Variants in ADAMTS16 observed in about 807,000 individuals in gnomAD.
ADAMTS16 encodes ADAM metallopeptidase with thrombospondin type 1 motif 16.
ADAMTS16 carries 94 observed loss-of-function variants against 145.8 expected under a neutral mutation model. That is an observed-to-expected ratio of 0.64 (90% CI 0.55 to 0.77). The LOEUF (loss-of-function observed/expected upper bound fraction) is 0.77. Ranked by LOEUF, ADAMTS16 falls within the 30% of genes least tolerant of loss-of-function variation. The pLI, the probability that ADAMTS16 is intolerant of heterozygous loss-of-function variation, is 0.00. For missense variants in ADAMTS16, 1,585 were observed against 1,591.5 expected (o/e 1.00, Z 0.07); for synonymous variants, 659 against 604.3 (o/e 1.09, Z -1.33).
At position 5,318,791 on chromosome 5, in the gene ADAMTS16, G is replaced by C. The variant is rs1433708513; in HGVS notation, c.3560-232G>C. ...GGCTCCAATGGGTAGATGCGTGGTT[G>C]AGTGAGTGGGGTCAGCACAAGAAGA... On this transcript the variant is annotated intron_variant, in intron 22 of 22. Transcript: ENST00000274181. Among the ~76,000 whole-genome samples the C allele has an allele frequency of 1.3e-5, 2 of 152,184 alleles. 1 individual carries two copies. Among genetic ancestry groups the C allele is most frequent in the East Asian group, 3.9e-4 (2 of 5,182 alleles).
At position 5,319,258 on chromosome 5, in the gene ADAMTS16, C is replaced by T. The variant is rs1734183584; in HGVS notation, c.*120C>T. 5 of 751,704 alleles carry T rather than the reference C, an allele frequency of 6.7e-6. No individual in the cohort carries two copies. The highest frequency in any genetic ancestry group is 2.7e-5 in the East Asian group (1 of 37,022). The allele number at this position is 751,704 out of a possible 1,614,324, so 46.6% of individuals were successfully genotyped here. ...AAGAGCAAAGCCAAAAGAAGAAAAC[C>T]GTGTTAGGCTCTTTGACCAGGAGTG... On this transcript the variant is annotated 3_prime_UTR_variant, in exon 23 of 23. Transcript: ENST00000274181.
rs1332652325 is a variant in ADAMTS16, at chr5:5,262,751, G to A, written c.2757G>A (p.Leu919=). ...CNPKTRPVTG[L]VPCKVSACPP... ...CCAAGACACGACCTGTCACGGGGCT[G>A]GTGCCTTGCAAAGTATCTGCCTGTC... The change falls in exon 18 of 23, where the codon CTG becomes CTA. Residue 919 remains leucine (L), a synonymous_variant. Transcript: ENST00000274181. 4 of 1,614,098 alleles carry A rather than the reference G, an allele frequency of 2.5e-6. No homozygotes were observed. In the African/African-American group the frequency reaches 5.3e-5, roughly 22 times the overall value.
intron 3 of ADAMTS16, among the ~76,000 whole-genome samples, chr5:5,155,393 A>G (rs1734575285): frequency 6.6e-6 from 1 of 152,240 alleles, no homozygotes; most frequent in Admixed American, 6.5e-5. Flanking sequence ...CAGTCTAGTC[A>G]GGAGACAGAA....
chr5:5,212,889 T>A (rs1435225748), intron 10 of ADAMTS16, among the ~76,000 whole-genome samples: 2 of 152,236 alleles, frequency 1.3e-5, no homozygotes, highest in African/African-American at 4.8e-5. Context: ...TTCTTTTAGA[T>A]TAAACTATTT....
chr5:5,178,740 C>T (rs1438819755), intron 3 of ADAMTS16, among the ~76,000 whole-genome samples: 2 of 152,150 alleles, frequency 1.3e-5, no homozygotes, highest in Non-Finnish European at 1.5e-5. Context: ...GGGATCCGGT[C>T]CTCTCACCCT....
At position 5,311,697 on chromosome 5, in the gene ADAMTS16, C is replaced by T. The variant is rs749459262; in HGVS notation, c.3411+4969C>T. 3.3e-5 allele frequency among the ~76,000 whole-genome samples: 5 copies of T among 151,946 alleles called. No individual in the cohort carries two copies. The East Asian group carries it at 5.8e-4, about 18-fold the overall frequency. On this transcript the variant is annotated intron_variant, in intron 21 of 22. Transcript: ENST00000274181. ...GAGTAGCTGGGACTACACGTGCACACCACCATGCCCAGCTAGTTTTTGTTT... is the reference window on the plus strand; with the variant it reads ...GAGTAGCTGGGACTACACGTGCACATCACCATGCCCAGCTAGTTTTTGTTT...
intron 3 of ADAMTS16, among the ~76,000 whole-genome samples, chr5:5,153,816 T>C (rs529022678): frequency 4.6e-5 from 7 of 152,356 alleles, no homozygotes; most frequent in Non-Finnish European, 1.0e-4. Context: ...TAAAACATGA[T>C]GTTTGTCAAG....
chr5:5,186,670 A>G (rs935229293), intron 5 of ADAMTS16, among the ~76,000 whole-genome samples: 2 of 152,188 alleles, frequency 1.3e-5, no homozygotes, highest in Admixed American at 1.3e-4. Context: ...AATGCTAAAT[A>G]TAAATTATTT....
At chr5:5,281,669 CAT>C (rs1738914856) in intron 18 of ADAMTS16, among the ~76,000 whole-genome samples, 1 of 152,004 alleles carries the variant, frequency 6.6e-6, no homozygotes, top group African/African-American at 2.4e-5. Flanking sequence ...GTATTTAAAA[CAT>C]GTGTAGATGC....
chr5:5,141,362 T>A (rs1207397394), intron 2 of ADAMTS16, among the ~76,000 whole-genome samples: 2 of 152,234 alleles, frequency 1.3e-5, no homozygotes, highest in Non-Finnish European at 2.9e-5. Context: ...GGCCACAATT[T>A]GACATGAGGG....
chr5:5,284,453 G>A (rs1005204307), intron 18 of ADAMTS16, among the ~76,000 whole-genome samples: 3 of 152,218 alleles, frequency 2.0e-5, no homozygotes, highest in Non-Finnish European at 4.4e-5. Context: ...GTCTATGTAA[G>A]TGGATCCAGT....
At chr5:5,194,370 C>T (rs1240273445) in intron 8 of ADAMTS16, among the ~76,000 whole-genome samples, 2 of 152,164 alleles carry the variant, frequency 1.3e-5, no homozygotes, top group Admixed American at 6.5e-5. Context: ...GTCTGCTCTT[C>T]ATGGAGCACT....
intron 6 of ADAMTS16, among the ~76,000 whole-genome samples, chr5:5,188,311 A>G (rs150464102): frequency 6.6e-6 from 1 of 152,218 alleles, no homozygotes; most frequent in East Asian, 1.9e-4. Flanking sequence ...TGAGATTTCT[A>G]TGGACTTTCA....
chr5:5,306,605 A>T lies in ADAMTS16; in HGVS notation c.3288A>T (p.Ser1096=). 1 of 1,614,204 alleles carries T rather than the reference A, an allele frequency of 6.2e-7. No individual in the cohort carries two copies. The change falls in exon 21 of 23, where the codon TCA becomes TCT. Residue 1096 remains serine (S), a synonymous_variant. Coordinates refer to ENST00000274181, the MANE Select transcript of ADAMTS16 (RefSeq NM_139056.4). ...GAGAGCTGGCCTCAAAGAAGTGCTC[A>T]CATTTGCCGAAGCCCAGCCTGGAGC... The part of the protein sequence containing the change: ...KYRELASKKC[S]HLPKPSLELE...
intron 2 of ADAMTS16, among the ~76,000 whole-genome samples, chr5:5,141,891 TAAAA>T (rs11362322): frequency 6.6e-6 from 1 of 151,748 alleles, no homozygotes; most frequent in Non-Finnish European, 1.5e-5. Context: ...TATAAAATGT[TAAAA>T]AAAATTGTCA....
intron 18 of ADAMTS16, among the ~76,000 whole-genome samples, chr5:5,274,142 C>T (rs1338929200): frequency 6.6e-6 from 1 of 152,122 alleles, no homozygotes; most frequent in Non-Finnish European, 1.5e-5. Flanking sequence ...TCCACCCTTC[C>T]CCACCATCAA....
chr5:5,199,996 G>A, intron 8 of ADAMTS16, 136 bp from the exon 9 acceptor site: 1 of 1,060,222 alleles, frequency 9.4e-7, no homozygotes, highest in Non-Finnish European at 1.3e-6. Flanking sequence ...TGGCAGTTGT[G>A]ACTTTTATTT....
At chr5:5,275,289 C>G (rs906787793) in intron 18 of ADAMTS16, among the ~76,000 whole-genome samples, 2 of 151,852 alleles carry the variant, frequency 1.3e-5, no homozygotes, top group African/African-American at 4.8e-5. Context: ...TTAAAGTGTT[C>G]TTATATTGAA....
At chr5:5,141,613 A>G (rs1734171559) in intron 2 of ADAMTS16, among the ~76,000 whole-genome samples, 1 of 152,202 alleles carries the variant, frequency 6.6e-6, no homozygotes, top group Admixed American at 6.5e-5. Flanking sequence ...GTTAATATTA[A>G]TTGACTTTTA....
Sources: gnomAD v4.1 joint callset for allele counts (sites outside exome capture counted in the v4.1 genomes callset) on GRCh38, gnomAD v4.1.1 for gene constraint, MANE v1.5 for transcripts, NCBI Gene and HGNC (gene_info 2026-07-23, HGNC 2026-07-21) for gene names.